Variants in RGP1 observed in about 807,000 individuals in gnomAD.
RGP1 encodes RGP1 partner of RAB6A GEF complex, also known as RAB6A-GEF complex partner protein 2.
A neutral mutation model predicts 44.5 loss-of-function variants in RGP1; 28 were observed. That is an observed-to-expected ratio of 0.63 (90% CI 0.47 to 0.86). The LOEUF (loss-of-function observed/expected upper bound fraction) is 0.86, where lower values mean the gene tolerates loss of function less well. RGP1 is among the 40% of genes least tolerant of loss of function. The pLI is 0.00. For missense variants in RGP1, 417 were observed against 490.7 expected (o/e 0.85, Z 1.42); for synonymous variants, 212 against 196.7 (o/e 1.08, Z -0.65).
chr9:35,750,449 G>T, intron 3 of RGP1, 70 bp downstream of exon 3: 1 of 1,547,580 alleles, frequency 6.5e-7, no homozygotes, highest in South Asian at 1.1e-5. Context: ...GTCACCCATG[G>T]GTGAAGTTGT....
In RGP1 at chr9:35,753,198, A is replaced by G; in HGVS notation, c.*324A>G. On this transcript the variant is annotated 3_prime_UTR_variant, in exon 9 of 9. Transcript: ENST00000378078. The surrounding 1 kb of genome is among the most constrained non-coding windows in gnomAD (Gnocchi z 4.2). ...CCTTTGCAGGGCAGCCGAGGGTCAG[A>G]TTTTTGCACCAAGGAGAACTGGCAG... is the stretch of plus-strand genomic sequence containing the variant. The G allele has an allele frequency of 6.2e-7, 1 of 1,614,110 alleles. No homozygotes were observed.
the RGP1 span, among the ~76,000 whole-genome samples, chr9:35,763,832 A>G: frequency 7.0e-6 from 1 of 142,910 alleles, no homozygotes; most frequent in Non-Finnish European, 1.5e-5. Flanking sequence ...CAGTGAGTCA[A>G]GATCTTGCCA....
intron 5 of RGP1, 36 bp downstream of exon 5, chr9:35,751,025 G>C: frequency 6.2e-7 from 1 of 1,608,954 alleles, no homozygotes; most frequent in Non-Finnish European, 8.5e-7. Context: ...GGCTGGGGAA[G>C]GGCGATGCCA....
chr9:35,784,801 G>T, the RGP1 span, among the ~76,000 whole-genome samples: 1 of 152,034 alleles, frequency 6.6e-6, no homozygotes, highest in Non-Finnish European at 1.5e-5. Context: ...AGAAGACAGG[G>T]TCTCACTATG....
Position 35,752,985 on chromosome 9 carries a change from C to A in RGP1, c.*111C>A. 2 of 1,527,306 alleles carry A rather than the reference C, an allele frequency of 1.3e-6. No homozygotes were observed. Among genetic ancestry groups the A allele is most frequent in the South Asian group, 2.4e-5 (2 of 83,880 alleles). 94.6% of individuals were successfully genotyped at this position (1,527,306 alleles called of 1,614,324 possible). ...GTCCAATGTCGTGGACAGTGAGAGT[C>A]GGGCTTTCAGCTATAGCATTAATTT... On this transcript the variant is annotated 3_prime_UTR_variant, in exon 9 of 9. Coordinates refer to ENST00000378078, the MANE Select transcript of RGP1 (RefSeq NM_001080496.3).
In RGP1 at chr9:35,753,796, G is replaced by A. The variant is rs1419312871; in HGVS notation, c.*922G>A. On this transcript the variant is annotated 3_prime_UTR_variant, in exon 9 of 9. Coordinates refer to ENST00000378078, the MANE Select transcript of RGP1 (RefSeq NM_001080496.3). The surrounding 1 kb of genome is among the most constrained non-coding windows in gnomAD (Gnocchi z 4.2). ...AGGGAAGAACGGGAAATGTTAGTAG[G>A]TGTAGGAGTGCTGATGAGAGGCAGA... 1 of 1,595,172 alleles carries A rather than the reference G, an allele frequency of 6.3e-7. No homozygotes were observed. The highest frequency in any genetic ancestry group is 8.6e-7 in the Non-Finnish European group (1 of 1,163,208).
chr9:35,752,051 C>G lies in RGP1; in HGVS notation c.858C>G (p.His286Gln). The change falls in exon 8 of 9, where the codon CAC (histidine) becomes CAG (glutamine). Residue 286 changes from histidine (H) to glutamine (Q), a missense_variant. Transcript: ENST00000378078. ...TCCCCTCTGTGTCACATGTGACTCACGCCCGGCACCAGGAATCCTGCCTAC... is the reference window on the plus strand; with the variant it reads ...TCCCCTCTGTGTCACATGTGACTCAGGCCCGGCACCAGGAATCCTGCCTAC... ...GGVPSVSHVT[H>Q]ARHQESCLHT... 6.2e-7 allele frequency: 1 copy of G among 1,611,238 alleles called. No individual in the cohort carries two copies.
the RGP1 span, among the ~76,000 whole-genome samples, chr9:35,770,886 T>A: frequency 6.6e-6 from 1 of 152,096 alleles, no homozygotes; most frequent in Non-Finnish European, 1.5e-5. Context: ...AAACCTGAAC[T>A]CCAGGAAGTA....
the RGP1 span, among the ~76,000 whole-genome samples, chr9:35,782,860 G>C: frequency 1.3e-5 from 2 of 150,938 alleles, 1 homozygote; most frequent in African/African-American, 4.9e-5. Context: ...CCAGGCTGGA[G>C]TGCAATGGTG....
rs1827308898 is a variant in RGP1 at position 35,753,591 on chromosome 9, G to A, written c.*717G>A. ...TTCATTCTTACATCACAGCAATCTA[G>A]TCACTCCCTGGTCATCCCTCAGTCA... is the stretch of plus-strand genomic sequence containing the variant. On this transcript the variant is annotated 3_prime_UTR_variant, in exon 9 of 9. Transcript: ENST00000378078. The surrounding 1 kb of genome is among the most constrained non-coding windows in gnomAD (Gnocchi z 4.2). 1 of 1,315,840 alleles carries A rather than the reference G, an allele frequency of 7.6e-7. No individual in the cohort carries two copies. The highest frequency in any genetic ancestry group is 1.5e-5 in the African/African-American group (1 of 68,408). The allele number at this position is 1,315,840 out of a possible 1,614,324, so 81.5% of individuals were successfully genotyped here.
the RGP1 span, among the ~76,000 whole-genome samples, chr9:35,770,555 A>G: frequency 6.9e-6 from 1 of 145,708 alleles, no homozygotes; most frequent in Non-Finnish European, 1.5e-5. Context: ...TGGAAAACGA[A>G]ATCTAGAATA....
the RGP1 span, among the ~76,000 whole-genome samples, chr9:35,787,575 T>C: frequency 6.6e-6 from 1 of 152,330 alleles, no homozygotes; most frequent in Non-Finnish European, 1.5e-5. Context: ...GAAGATGAAC[T>C]GGATCTTAGA....
At chr9:35,763,322 G>C (rs979976947), downstream of RGP1, among the ~76,000 whole-genome samples, 2 of 152,130 alleles carry the variant, frequency 1.3e-5, no homozygotes, top group South Asian at 2.1e-4. Flanking sequence ...AGCTGAATGA[G>C]AGCCTAAATC....
chr9:35,762,858 C>G (rs1416034788), downstream of RGP1, among the ~76,000 whole-genome samples: 2 of 150,286 alleles, frequency 1.3e-5, no homozygotes, highest in Non-Finnish European at 2.9e-5. Context: ...AAAAACAGTT[C>G]TGCTGTTAAA....
At chr9:35,775,560 G>A in the RGP1 span, among the ~76,000 whole-genome samples, 1 of 151,974 alleles carries the variant, frequency 6.6e-6, no homozygotes, top group South Asian at 2.1e-4. Flanking sequence ...ATCTGTGGAG[G>A]GAATGGGAAG....
Position 35,753,230 on chromosome 9 carries a change from G to C in RGP1, c.*356G>C. ...CACCAAGGAGAACTGGCAGGTTCCT[G>C]CCTCCTGACGTACCTCACACCCAGC... On this transcript the variant is annotated 3_prime_UTR_variant, in exon 9 of 9. Transcript: ENST00000378078. This position sits in a 1 kb window ranked among gnomAD's most constrained non-coding sequence, Gnocchi z 4.2. 1 of 1,614,162 alleles carries C rather than the reference G, an allele frequency of 6.2e-7. No individual in the cohort carries two copies. The highest frequency in any genetic ancestry group is 2.2e-5 in the East Asian group (1 of 44,882).
At chr9:35,777,071 A>G in the RGP1 span, among the ~76,000 whole-genome samples, 4 of 150,166 alleles carry the variant, frequency 2.7e-5, no homozygotes, top group Non-Finnish European at 5.9e-5. Context: ...ACCCCAACCA[A>G]TCTTAGCTTT....
the RGP1 span, among the ~76,000 whole-genome samples, chr9:35,787,110 T>G: frequency 1.4e-5 from 2 of 143,174 alleles, no homozygotes; most frequent in African/African-American, 2.5e-5. Context: ...AAAAAAAAAT[T>G]TTTTTTTTTA....
chr9:35,776,272 ATTCTCC>A, the RGP1 span, among the ~76,000 whole-genome samples: 1 of 150,088 alleles, frequency 6.7e-6, no homozygotes, highest in African/African-American at 2.5e-5. Flanking sequence ...TTTTTGGCCT[ATTCTCC>A]TTCTCCTTCT....
Sources: allele counts gnomAD v4.1 joint callset (sites outside exome capture counted in the v4.1 genomes callset), GRCh38; gene constraint gnomAD v4.1.1; non-coding constraint Gnocchi (gnomAD v3.1); transcripts MANE v1.5; gene names NCBI Gene and HGNC (gene_info 2026-07-23, HGNC 2026-07-21).